SYT13: variants seen among roughly 807,000 people sequenced by gnomAD.
SYT13 encodes the protein synaptotagmin 13, also known as synaptotagmin-13.
In SYT13, 21 loss-of-function variants were observed where a neutral mutation model predicts 38.6. The ratio of observed to expected loss-of-function variants is 0.54; its 90% confidence interval spans 0.39 to 0.78. The LOEUF (loss-of-function observed/expected upper bound fraction) is 0.78, where lower values mean the gene tolerates loss of function less well. Among genes scored for constraint, SYT13 ranks in the 30% least tolerant of loss-of-function variants. The probability of loss-of-function intolerance (pLI) is 0.00; values close to 1 mark genes in which losing one functional copy is unlikely to be tolerated. For synonymous variants in SYT13, 241 were observed against 237.6 expected (o/e 1.01, Z -0.13); for missense variants, 495 against 548.7 (o/e 0.90, Z 0.98).
At chr11:45,278,571 C>T (rs1855036113) in intron 1 of SYT13, among the ~76,000 whole-genome samples, 1 of 152,116 alleles carries the variant, frequency 6.6e-6, no homozygotes, top group South Asian at 2.1e-4. Context: ...CCAGGTACCT[C>T]CTCACAACTT....
Position 45,252,618 on chromosome 11 carries a change from G to C in SYT13, c.649C>G (p.Leu217Val), listed in dbSNP as rs1434540106. The C allele has an allele frequency of 2.5e-6, 4 of 1,614,146 alleles. No individual in the cohort carries two copies. The highest frequency in any genetic ancestry group is 2.5e-6 in the Non-Finnish European group (3 of 1,179,986). The change falls in exon 4 of 6, where the codon CTG becomes GTG. Residue 217 changes from leucine (L) to valine (V), a missense_variant. Physicochemically the swap from Leu to Val is conservative, Grantham distance 32. Coordinates refer to ENST00000020926, the MANE Select transcript of SYT13 (RefSeq NM_020826.3). This position sits in a 1 kb window ranked among gnomAD's most constrained non-coding sequence, Gnocchi z 4.3. ...EAQTALKKRQ[L>V]HTTWEEGLVL... ...AGGCCCTCCTCCCAGGTGGTGTGCA[G>C]CTGCCGCTTCTTTAGGGCTGTCTGA...
chr11:45,244,216 T>C lies in SYT13; in HGVS notation c.1117A>G (p.Ser373Gly). 1 of 1,614,042 alleles carries C rather than the reference T, an allele frequency of 6.2e-7. No homozygotes were observed. ...ELPDDLLQAS[S>G]VELEVLGQDD... Reference sequence around the variant, plus strand: ...TGGCCCAGCACTTCCAGCTCCACACTGGAGGCCTGCAGCAGGTCGTCAGGC... The same window carrying C: ...TGGCCCAGCACTTCCAGCTCCACACCGGAGGCCTGCAGCAGGTCGTCAGGC... The change falls in exon 6 of 6, where the codon AGT (serine) becomes GGT (glycine). Residue 373 changes from serine to glycine, a missense_variant. By Grantham distance (56) the Ser-to-Gly change is moderately conservative (BLOSUM62 0). Transcript: ENST00000020926.
intron 1 of SYT13, among the ~76,000 whole-genome samples, chr11:45,264,711 T>TG (rs1411926194): frequency 3.9e-5 from 6 of 152,206 alleles, no homozygotes; most frequent in Non-Finnish European, 8.8e-5. Flanking sequence ...CATTGTGTTT[T>TG]GGGGTAGTTT....
chr11:45,267,199 C>T (rs910092562), intron 1 of SYT13, among the ~76,000 whole-genome samples: 2 of 152,346 alleles, frequency 1.3e-5, no homozygotes, highest in Admixed American at 6.5e-5. Context: ...CAGACCCAGG[C>T]TGACTCGCCC....
chr11:45,248,122 T>C (rs1470115067), intron 4 of SYT13, among the ~76,000 whole-genome samples: 1 of 152,234 alleles, frequency 6.6e-6, no homozygotes, highest in Non-Finnish European at 1.5e-5. Flanking sequence ...CATTTCTGCA[T>C]GACCCCAATG....
chr11:45,277,432 T>G (rs1477743504), intron 1 of SYT13, among the ~76,000 whole-genome samples: 1 of 152,250 alleles, frequency 6.6e-6, no homozygotes, highest in Non-Finnish European at 1.5e-5. Context: ...ACCTTATCAG[T>G]ACGTAGCTCA....
chr11:45,244,305 T>G lies in SYT13; in HGVS notation c.1028A>C (p.Lys343Thr). The G allele has an allele frequency of 1.2e-6, 2 of 1,614,006 alleles. No individual in the cohort carries two copies. Among genetic ancestry groups the G allele is most frequent in the South Asian group, 2.2e-5 (2 of 91,070 alleles). ...LKHQARKLKKKQTKRAKHKIN... is the reference protein window; with the variant it reads ...LKHQARKLKKTQTKRAKHKIN... ...CTTGTGCTTAGCTCGTTTAGTCTGC[T>G]TCTTCTTCAGCTTCCGAGCCTGGTG... Residue 343 changes from lysine to threonine, a missense_variant, in exon 6 of 6, where the codon AAG (lysine) becomes ACG (threonine). By Grantham distance (78) the Lys-to-Thr change is moderately conservative (BLOSUM62 -1). Coordinates refer to ENST00000020926, the MANE Select transcript of SYT13 (RefSeq NM_020826.3).
chr11:45,273,546 G>C (rs562928729), intron 1 of SYT13, among the ~76,000 whole-genome samples: 7 of 151,948 alleles, frequency 4.6e-5, no homozygotes, highest in Non-Finnish European at 7.4e-5. Flanking sequence ...CATTTAGGGG[G>C]TTCTGGAGGC....
At chr11:45,263,770 A>G (rs977820018) in intron 1 of SYT13, among the ~76,000 whole-genome samples, 2 of 152,208 alleles carry the variant, frequency 1.3e-5, no homozygotes, top group African/African-American at 4.8e-5. Context: ...AGGCTCTAAA[A>G]CAAGACAGCT....
Position 45,252,839 on chromosome 11 carries a change from G to T in SYT13, c.545-117C>A. On this transcript the variant is annotated intron_variant, in intron 3 of 5. Coordinates refer to ENST00000020926, the MANE Select transcript of SYT13 (RefSeq NM_020826.3). This position sits in a 1 kb window ranked among gnomAD's most constrained non-coding sequence, Gnocchi z 4.3. ...CTTAACGACGTGACCTTGGGTGTCA[G>T]AAAGGCTGACCACCCTGGGCACCAG... The T allele has an allele frequency of 8.5e-7, 1 of 1,182,434 alleles. No homozygotes were observed. The highest frequency in any genetic ancestry group is 1.5e-5 in the African/African-American group (1 of 65,308). The allele number at this position is 1,182,434 out of a possible 1,614,324, so 73.2% of individuals were successfully genotyped here. A position where few individuals can be genotyped will look rare whatever the true frequency, so the allele number is the denominator to read the frequency against.
intron 3 of SYT13, 152 bp downstream of exon 3, chr11:45,254,118 C>CT (rs1410855807): frequency 1.2e-6 from 1 of 841,294 alleles, no homozygotes; most frequent in Non-Finnish European, 1.7e-6. Flanking sequence ...TGTGGGAAAT[C>CT]TTTGTGTCTA....
At chr11:45,268,329 A>G (rs1169073409) in intron 1 of SYT13, among the ~76,000 whole-genome samples, 2 of 124,920 alleles carry the variant, frequency 1.6e-5, no homozygotes, top group African/African-American at 3.0e-5. Context: ...CCAAAAAGCT[A>G]TTTCCCTTAG....
chr11:45,257,895 C>T (rs1330400875), intron 1 of SYT13, among the ~76,000 whole-genome samples: 1 of 152,214 alleles, frequency 6.6e-6, no homozygotes, highest in Non-Finnish European at 1.5e-5. Context: ...TTCTTCTGAA[C>T]TTCCCTAAAA....
At position 45,283,476 on chromosome 11, in the gene SYT13, G is replaced by A. The variant is rs368700553; in HGVS notation, c.183+2549C>T. The stretch of plus-strand genomic sequence containing the variant: ...CATCACCCTCCTGTCATCTGTCACC[G>A]CTAATGGTTGCCACCCTCTTTACTT... On this transcript the variant is annotated intron_variant, in intron 1 of 5. Transcript: ENST00000020926. Among the ~76,000 whole-genome samples, 11 of 152,268 alleles carry A rather than the reference G, an allele frequency of 7.2e-5. No homozygotes were observed. In the South Asian group the frequency reaches 8.3e-4, roughly 11 times the overall value.
chr11:45,249,160 A>G (rs1017162993), intron 4 of SYT13, among the ~76,000 whole-genome samples: 2 of 152,268 alleles, frequency 1.3e-5, no homozygotes, highest in Admixed American at 1.3e-4. Context: ...AATGCTCATC[A>G]TCACTGCTTA....
At chr11:45,251,386 T>TAAAAAAAAA (rs10649998) in intron 4 of SYT13, among the ~76,000 whole-genome samples, 2 of 75,348 alleles carry the variant, frequency 2.7e-5, no homozygotes, top group African/African-American at 1.2e-4. Context: ...AGACTCTGTC[T>TAAAAAAAAA]AAAAAAAAAA....
At chr11:45,262,113 A>G (rs548595225) in intron 1 of SYT13, among the ~76,000 whole-genome samples, 1 of 152,362 alleles carries the variant, frequency 6.6e-6, no homozygotes, top group East Asian at 1.9e-4. Context: ...TGGTATATCT[A>G]TATAACGGAG....
chr11:45,258,167 C>A (rs936009989), intron 1 of SYT13, among the ~76,000 whole-genome samples: 1 of 152,216 alleles, frequency 6.6e-6, no homozygotes, highest in South Asian at 2.1e-4. Context: ...TGGCCCAAAG[C>A]CCACTGCCCC....
At chr11:45,262,714 G>T (rs1275347855) in intron 1 of SYT13, among the ~76,000 whole-genome samples, 1 of 133,082 alleles carries the variant, frequency 7.5e-6, no homozygotes, top group Non-Finnish European at 1.6e-5. Flanking sequence ...CAAAGAGGGA[G>T]ATCCTATCAC....
Sources: allele counts gnomAD v4.1 joint callset (sites outside exome capture counted in the v4.1 genomes callset), GRCh38; gene constraint gnomAD v4.1.1; non-coding constraint Gnocchi (gnomAD v3.1); transcripts MANE v1.5; gene names NCBI Gene and HGNC (gene_info 2026-07-23, HGNC 2026-07-21).